CLUAP1: variants seen among roughly 807,000 people sequenced by gnomAD.
CLUAP1 encodes clusterin-associated protein 1.
A neutral mutation model predicts 55.0 loss-of-function variants in CLUAP1; 50 were observed. The ratio of observed to expected loss-of-function variants is 0.91; its 90% CI spans 0.72 to 1.15. CLUAP1 has a LOEUF of 1.15. Among genes scored for constraint, CLUAP1 ranks in the 50% most tolerant of loss-of-function variants. CLUAP1 has a pLI of 0.00. For synonymous variants in CLUAP1, 195 were observed against 175.4 expected, an observed-to-expected ratio of 1.11 and a Z score of -0.88; for missense variants, 530 against 507.6, an observed-to-expected ratio of 1.04 and a Z score of -0.42.
At chr16:3,516,066 T>G (rs1039927718) in intron 6 of CLUAP1, among the ~76,000 whole-genome samples, 1 of 152,214 alleles carries the variant, frequency 6.6e-6, no homozygotes, top group Non-Finnish European at 1.5e-5. Context: ...TTGCTTGGGT[T>G]TGAATTCCAC....
rs1184710527 is a variant in CLUAP1 at position 3,504,786 on chromosome 16, C to T, written c.89C>T (p.Pro30Leu). Residue 30 changes from proline to leucine, a missense_variant, in exon 2 of 12, where the codon CCC becomes CTC. Pro to Leu is a moderately conservative substitution (Grantham distance 98, BLOSUM62 -3). Transcript: ENST00000576634. ...ATTTCTATGGAAAATTTCCGTACAC[C>T]CAATTTTGGACTTGTATCTGAAGTG... ...RHISMENFRT[P>L]NFGLVSEVLL... 1 of 1,613,308 alleles carries T rather than the reference C, an allele frequency of 6.2e-7. No homozygotes were observed. Among genetic ancestry groups the T allele is most frequent in the African/African-American group, 1.3e-5 (1 of 75,010 alleles).
intron 8 of CLUAP1, among the ~76,000 whole-genome samples, chr16:3,525,050 G>T (rs2037914947): frequency 6.6e-6 from 1 of 152,130 alleles, no homozygotes; most frequent in South Asian, 2.1e-4. Context: ...TGTCCAGGAG[G>T]GCTAACTGGG....
intron 5 of CLUAP1, among the ~76,000 whole-genome samples, chr16:3,515,209 G>A (rs990266413): frequency 6.6e-6 from 1 of 150,502 alleles, no homozygotes; most frequent in South Asian, 2.1e-4. Flanking sequence ...AAAAAAAAAA[G>A]AAGCAGCAGC....
chr16:3,532,956 C>T (rs574731587), intron 11 of CLUAP1, 115 bp downstream of exon 11: 10 of 1,404,608 alleles, frequency 7.1e-6, no homozygotes, highest in African/African-American at 1.4e-5. Flanking sequence ...TCAGCCCGGC[C>T]GTGCCTCGAT....
At position 3,504,843 on chromosome 16, in the gene CLUAP1, A is replaced by G. The variant is rs750295230; in HGVS notation, c.134+12A>G. The G allele has an allele frequency of 2.9e-6, 4 of 1,393,546 alleles. No individual in the cohort carries two copies. The South Asian group carries it at 3.5e-5, about 12-fold the overall frequency. 86.3% of individuals were successfully genotyped at this position (1,393,546 alleles called of 1,614,324 possible). The stretch of plus-strand genomic sequence containing the variant: ...TGGCTTGTGAAAAGGTTCGAACGGC[A>G]CTTTATTGACATCTAAGAGTGAATA... On this transcript the variant is annotated intron_variant, in intron 2 of 11. Coordinates refer to ENST00000576634, the MANE Select transcript of CLUAP1 (RefSeq NM_015041.3).
intron 6 of CLUAP1, 42 bp downstream of exon 6, chr16:3,515,633 G>T: frequency 7.3e-7 from 1 of 1,365,752 alleles, no homozygotes; most frequent in Non-Finnish European, 1.0e-6. Flanking sequence ...TTATGCCTGG[G>T]ATTCAAAAAT....
At chr16:3,533,182 T>A in intron 11 of CLUAP1, 3 of 1,530,640 alleles carry the variant, frequency 2.0e-6, no homozygotes, top group Non-Finnish European at 2.6e-6. Context: ...GCCTCATGTG[T>A]TTGTGGGTGT....
intron 4 of CLUAP1, among the ~76,000 whole-genome samples, chr16:3,509,309 G>A (rs2037572776): frequency 6.6e-6 from 1 of 152,206 alleles, no homozygotes; most frequent in Non-Finnish European, 1.5e-5. Context: ...CGTGTGATGA[G>A]GGTTGGGATT....
chr16:3,519,378 T>C (rs894353920), intron 6 of CLUAP1, among the ~76,000 whole-genome samples: 3 of 152,228 alleles, frequency 2.0e-5, no homozygotes, highest in Non-Finnish European at 2.9e-5. Context: ...CAAGCTTCTG[T>C]TGCCAGGGAG....
intron 8 of CLUAP1, 78 bp from the exon 9 acceptor site, chr16:3,526,334 C>T: frequency 1.1e-6 from 1 of 934,384 alleles, no homozygotes; most frequent in Non-Finnish European, 1.5e-6. Flanking sequence ...ACTTAGCAGT[C>T]CTTACACAGT....
intron 5 of CLUAP1, among the ~76,000 whole-genome samples, chr16:3,512,712 G>A (rs1051739837): frequency 2.6e-5 from 4 of 151,858 alleles, no homozygotes; most frequent in South Asian, 4.2e-4. Context: ...ACGGAGTCTC[G>A]CTGTGTTGCC....
At chr16:3,500,971 A>AG, upstream of CLUAP1, 1 of 1,292,008 alleles carries the variant, frequency 7.7e-7, no homozygotes, top group Non-Finnish European at 1.1e-6. Context: ...GCGCCGTCCA[A>AG]GGGTCCATTG....
At chr16:3,528,173 G>A (rs1244494947) in intron 9 of CLUAP1, among the ~76,000 whole-genome samples, 4 of 152,216 alleles carry the variant, frequency 2.6e-5, no homozygotes, top group Non-Finnish European at 4.4e-5. Flanking sequence ...TCTTCCTGCT[G>A]AATTGATGGC....
intron 7 of CLUAP1, among the ~76,000 whole-genome samples, chr16:3,522,766 ATTATAAAAT>A (rs1458079305): frequency 6.6e-6 from 1 of 152,116 alleles, no homozygotes; most frequent in South Asian, 2.1e-4. Context: ...TGAAATAAAG[ATTATAAAAT>A]TTCTTGGTAT....
At chr16:3,500,471 G>A (rs1249071877), upstream of CLUAP1, among the ~76,000 whole-genome samples, 7 of 150,702 alleles carry the variant, frequency 4.6e-5, no homozygotes, top group Admixed American at 3.3e-4. Flanking sequence ...CCGGGTTCAA[G>A]TAATTCTTCT....
intron 11 of CLUAP1, chr16:3,534,798 C>T (rs553579197): frequency 1.3e-5 from 2 of 152,276 alleles, no homozygotes; most frequent in South Asian, 2.1e-4. Context: ...GAAGGCAGAT[C>T]GAAAGTTTGA....
At chr16:3,535,942 C>A in intron 11 of CLUAP1, 180 bp from the exon 12 acceptor site, 1 of 643,950 alleles carries the variant, frequency 1.6e-6, no homozygotes, top group Non-Finnish European at 2.6e-6. Context: ...ATGATAAATT[C>A]CAGCTGGCAG....
upstream of CLUAP1, among the ~76,000 whole-genome samples, chr16:3,497,122 C>T: frequency 6.6e-6 from 1 of 151,856 alleles, no homozygotes; most frequent in East Asian, 1.9e-4. Context: ...CCGCCCACCT[C>T]GGCCTCCCAA....
intron 7 of CLUAP1, among the ~76,000 whole-genome samples, chr16:3,520,459 GA>G (rs1467955261): frequency 1.3e-5 from 2 of 151,996 alleles, no homozygotes; most frequent in Admixed American, 6.6e-5. Flanking sequence ...CTCAAGCAAT[GA>G]AAAAAAGCCT....
Sources: gnomAD v4.1 joint callset for allele counts (sites outside exome capture counted in the v4.1 genomes callset) on GRCh38, gnomAD v4.1.1 for gene constraint, MANE v1.5 for transcripts, NCBI Gene and HGNC (gene_info 2026-07-23, HGNC 2026-07-21) for gene names.